The following ATL1 variants were observed in gnomAD, a reference collection of about 807,000 sequenced individuals.
ATL1 encodes atlastin-1.
A neutral mutation model predicts 75.5 loss-of-function variants in ATL1; 31 were observed. That is an observed-to-expected ratio of 0.41 (90% CI 0.31 to 0.55). The LOEUF is 0.55. Among genes scored for constraint, ATL1 ranks in the 20% least tolerant of loss-of-function variants. ATL1 has a pLI of 0.27. For missense variants in ATL1, 405 were observed against 662.6 expected (o/e 0.61, Z 4.27); for synonymous variants, 226 against 233.3 (o/e 0.97, Z 0.28).
intron 1 of ATL1, among the ~76,000 whole-genome samples, chr14:50,569,870 C>T (rs1288070216): frequency 6.6e-6 from 1 of 152,106 alleles, no homozygotes; most frequent in Non-Finnish European, 1.5e-5. Flanking sequence ...CTATGTCTGC[C>T]CACTGCTTTT....
intron 1 of ATL1, among the ~76,000 whole-genome samples, chr14:50,579,067 A>T (rs1269465390): frequency 6.6e-6 from 1 of 151,990 alleles, no homozygotes; most frequent in Non-Finnish European, 1.5e-5. Context: ...ATATGTATGG[A>T]GTCATTTAAT....
chr14:50,590,549 C>G (rs1177156921), intron 2 of ATL1, among the ~76,000 whole-genome samples: 1 of 152,136 alleles, frequency 6.6e-6, no homozygotes. Flanking sequence ...AGTCTTAGCT[C>G]AAACATCCTA....
rs73291761 is a variant in ATL1 at position 50,623,630 on chromosome 14, A to T, written c.1119+382A>T. Among the ~76,000 whole-genome samples the T allele has an allele frequency of 6.7e-3, 1,019 of 152,166 alleles. 14 individuals are homozygous for T. Among genetic ancestry groups the T allele is most frequent in the African/African-American group, 0.024 (978 of 41,506 alleles). On this transcript the variant is annotated intron_variant, in intron 11 of 13. Transcript: ENST00000358385. Reference sequence around the variant, plus strand: ...GATTAAACCTTTTAGGAAAAAAAAAACAAAAACCCTAAGGGCCATTATTTC... The same window carrying T: ...GATTAAACCTTTTAGGAAAAAAAAATCAAAAACCCTAAGGGCCATTATTTC...
intron 6 of ATL1, among the ~76,000 whole-genome samples, chr14:50,597,220 C>CAAAAAGAAAA (rs1555364367): frequency 1.8e-5 from 2 of 108,404 alleles, no homozygotes; most frequent in African/African-American, 8.3e-5. Flanking sequence ...AAAAAACAAA[C>CAAAAAGAAAA]AAAAAAAAAA....
Position 50,622,588 on chromosome 14 carries a change from C to T in ATL1, c.1048-589C>T, listed in dbSNP as rs542289344. On this transcript the variant is annotated intron_variant, in intron 10 of 13. Coordinates refer to ENST00000358385, the MANE Select transcript of ATL1 (RefSeq NM_015915.5). ...GGCTGAGGCAGGAGAATTGCTTGAACCCAGGAGATGGAGGTTGCAGTGAGC... is the reference window on the plus strand; with the variant it reads ...GGCTGAGGCAGGAGAATTGCTTGAATCCAGGAGATGGAGGTTGCAGTGAGC... 3.9e-5 allele frequency among the ~76,000 whole-genome samples: 6 copies of T among 151,964 alleles called. No individual in the cohort carries two copies. The South Asian group carries it at 1.2e-3, about 31-fold the overall frequency.
chr14:50,570,537 A>T (rs1383181556), intron 1 of ATL1, among the ~76,000 whole-genome samples: 2 of 152,088 alleles, frequency 1.3e-5, no homozygotes, highest in African/African-American at 2.4e-5. Flanking sequence ...CACCTTGCTC[A>T]GTGTGGAATT....
At chr14:50,579,211 A>G (rs2039034321) in intron 1 of ATL1, among the ~76,000 whole-genome samples, 1 of 152,178 alleles carries the variant, frequency 6.6e-6, no homozygotes, top group African/African-American at 2.4e-5. Flanking sequence ...TTCCCCACAC[A>G]TGAATATTCA....
intron 8 of ATL1, among the ~76,000 whole-genome samples, chr14:50,620,279 A>C (rs965359382): frequency 2.6e-5 from 4 of 152,190 alleles, no homozygotes; most frequent in African/African-American, 9.6e-5. Flanking sequence ...ACAAAAAAGC[A>C]AAAACAAAAC....
intron 1 of ATL1, among the ~76,000 whole-genome samples, chr14:50,548,673 C>A (rs2038664612): frequency 6.6e-6 from 1 of 152,098 alleles, no homozygotes; most frequent in African/African-American, 2.4e-5. Context: ...CCACGCCCAG[C>A]TAATTTTTTT....
rs3834518 is a variant in ATL1, at chr14:50,595,518, T to TTCTC, written c.574-36_574-33dup. 4.0e-5 allele frequency: 57 copies of TTCTC among 1,407,882 alleles called. No individual in the cohort carries two copies. The African/African-American group carries it at 6.4e-4, about 16-fold the overall frequency. 87.2% of individuals were successfully genotyped at this position (1,407,882 alleles called of 1,614,324 possible). A position where few individuals can be genotyped will look rare whatever the true frequency, so the allele number is the denominator to read the frequency against. Reference sequence around the variant, plus strand: ...AATTAAAACTTTGCAGGTGCTAAAGTTCTCTCTCTCTCTCTCTCTCTCTCT... The same window carrying TTCTC: ...AATTAAAACTTTGCAGGTGCTAAAGTTCTCTCTCTCTCTCTCTCTCTCTCTCTCT... On this transcript the variant is annotated intron_variant, in intron 5 of 13. Coordinates refer to ENST00000358385, the MANE Select transcript of ATL1 (RefSeq NM_015915.5).
chr14:50,562,750 G>A (rs548594632), intron 1 of ATL1, among the ~76,000 whole-genome samples: 18 of 152,248 alleles, frequency 1.2e-4, no homozygotes, highest in African/African-American at 3.4e-4. Flanking sequence ...GATGTTCTAT[G>A]GAAATGCTTT....
exon 1 of ATL1, chr14:50,533,214 T>C (rs2038444035): frequency 6.6e-6 from 1 of 152,378 alleles, no homozygotes; most frequent in Admixed American, 6.5e-5. Flanking sequence ...GTCTCATCGC[T>C]GGTATTGCAC....
chr14:50,625,554 C>CT (rs1408453068), intron 11 of ATL1, among the ~76,000 whole-genome samples: 1 of 152,178 alleles, frequency 6.6e-6, no homozygotes, highest in Non-Finnish European at 1.5e-5. Context: ...AACAGGCTGA[C>CT]TTTCTTGTAG....
intron 6 of ATL1, among the ~76,000 whole-genome samples, chr14:50,600,221 T>C (rs2039259179): frequency 6.9e-6 from 1 of 145,910 alleles, no homozygotes; most frequent in Non-Finnish European, 1.5e-5. Flanking sequence ...ATAAAACAGA[T>C]GAGAGATAAA....
intron 1 of ATL1, among the ~76,000 whole-genome samples, chr14:50,554,073 A>G (rs1483671414): frequency 6.6e-6 from 1 of 152,046 alleles, no homozygotes; most frequent in East Asian, 1.9e-4. Context: ...TAACAAAAAA[A>G]ATCTGTTCCC....
chr14:50,582,035 C>CT (rs1011548020), intron 1 of ATL1, among the ~76,000 whole-genome samples: 1 of 152,096 alleles, frequency 6.6e-6, no homozygotes, highest in Non-Finnish European at 1.5e-5. Context: ...AATCCCAGCA[C>CT]TTTGGGAGGC....
At chr14:50,622,941 A>G (rs1428485678) in intron 10 of ATL1, among the ~76,000 whole-genome samples, 11 of 152,218 alleles carry the variant, frequency 7.2e-5, no homozygotes, top group Admixed American at 7.2e-4. Flanking sequence ...AAACTCTTCC[A>G]AATGAAAATT....
chr14:50,590,804 A>C, intron 2 of ATL1, 137 bp from the exon 3 acceptor site: 1 of 829,264 alleles, frequency 1.2e-6, no homozygotes, highest in Non-Finnish European at 1.9e-6. Context: ...GAATAAAGTG[A>C]TGGTATCAAT....
rs760387390 is a variant in ATL1, at chr14:50,620,655, C to A, written c.919C>A (p.Pro307Thr). Residue 307 changes from proline to threonine, a missense_variant, in exon 9 of 14, where the codon CCC (proline) becomes ACC (threonine). Transcript: ENST00000358385. ...AATACTGATTCCTTGGCTACTTAGT[C>A]CCGAGAGCCTAGATATTAAAGAGAT... Reference protein sequence around the residue: ...LKILIPWLLSPESLDIKEING... With the variant: ...LKILIPWLLSTESLDIKEING... 2 of 1,613,620 alleles carry A rather than the reference C, an allele frequency of 1.2e-6. No homozygotes were observed. The highest frequency in any genetic ancestry group is 1.1e-5 in the South Asian group (1 of 91,060).
Sources: allele counts gnomAD v4.1 joint callset (sites outside exome capture counted in the v4.1 genomes callset), GRCh38; gene constraint gnomAD v4.1.1; transcripts MANE v1.5; gene names NCBI Gene and HGNC (gene_info 2026-07-23, HGNC 2026-07-21).